Variants in AGBL4 observed in about 807,000 individuals in gnomAD.
The protein encoded by AGBL4 is cytosolic carboxypeptidase 6.
A neutral mutation model predicts 66.4 loss-of-function variants in AGBL4; 58 were observed. The observed-to-expected ratio is 0.87, with a 90% CI of 0.71 to 1.09. The LOEUF is 1.09. Ranked by LOEUF, AGBL4 falls within the 50% of genes least tolerant of loss-of-function variation. The probability of loss-of-function intolerance (pLI) is 0.00; values close to 1 mark genes in which losing one functional copy is unlikely to be tolerated. For synonymous variants in AGBL4, 234 were observed against 222.9 expected (o/e 1.05, Z -0.44); for missense variants, 579 against 631.0 (o/e 0.92, Z 0.88).
At chr1:48,743,271 C>A (rs1650216995) in intron 6 of AGBL4, among the ~76,000 whole-genome samples, 1 of 152,148 alleles carries the variant, frequency 6.6e-6, no homozygotes, top group Non-Finnish European at 1.5e-5. Flanking sequence ...GCATTTGAAT[C>A]AAGAAATTAA....
chr1:48,687,020 C>G (rs992338994), intron 6 of AGBL4, among the ~76,000 whole-genome samples: 1 of 138,894 alleles, frequency 7.2e-6, no homozygotes, highest in Admixed American at 8.0e-5. Flanking sequence ...CAGGCAGGAA[C>G]AGTGAAACTC....
intron 1 of AGBL4, among the ~76,000 whole-genome samples, chr1:49,979,523 A>G (rs1658886250): frequency 6.6e-6 from 1 of 152,186 alleles, no homozygotes; most frequent in Non-Finnish European, 1.5e-5. Flanking sequence ...TATTCACAGG[A>G]AAAAATGTAA....
rs972479085 is a variant in AGBL4, at chr1:49,645,404, ATT to A, written c.282+51907_282+51908del. 4.6e-4 allele frequency among the ~76,000 whole-genome samples: 17 copies of A among 37,070 alleles called. No homozygotes were observed. In the Middle Eastern group the frequency reaches 0.058, roughly 126 times the overall value. 24.3% of individuals were successfully genotyped at this position (37,070 alleles called of 152,430 possible). A position where few individuals can be genotyped will look rare whatever the true frequency, so the allele number is the denominator to read the frequency against. Reference sequence around the variant, plus strand: ...CTATAGCCTATAATTATCAAAAAAAATTATTATGACAATTTCATGCCAATAAA... The same window carrying A: ...CTATAGCCTATAATTATCAAAAAAAAATTATGACAATTTCATGCCAATAAA... On this transcript the variant is annotated intron_variant, in intron 3 of 13. Transcript: ENST00000371839.
intron 6 of AGBL4, among the ~76,000 whole-genome samples, chr1:48,667,973 G>T (rs1646215171): frequency 6.6e-6 from 1 of 151,930 alleles, no homozygotes; most frequent in South Asian, 2.1e-4. Context: ...TACTGGGAGG[G>T]GAATGTGGAA....
At chr1:49,204,729 T>C (rs977800639) in intron 4 of AGBL4, among the ~76,000 whole-genome samples, 15 of 152,136 alleles carry the variant, frequency 9.9e-5, no homozygotes, top group African/African-American at 3.6e-4. Context: ...ACAAATGATA[T>C]TACCCACTTA....
intron 2 of AGBL4, among the ~76,000 whole-genome samples, chr1:49,751,878 G>A (rs1002837284): frequency 6.6e-6 from 1 of 151,422 alleles, no homozygotes; most frequent in African/African-American, 2.4e-5. Context: ...GATTTTTAGA[G>A]TATTCTCTGA....
At chr1:49,548,365 A>C (rs2148833623) in intron 3 of AGBL4, among the ~76,000 whole-genome samples, 1 of 152,272 alleles carries the variant, frequency 6.6e-6, no homozygotes, top group East Asian at 1.9e-4. Context: ...GAGAGTGGGC[A>C]TCCTTGTCTT....
rs537489298 is a variant in AGBL4, at chr1:48,923,488, T to C, written c.595-56258A>G. The stretch of plus-strand genomic sequence containing the variant: ...TCTTGGAACACAGGTTAGCTGCTGA[T>C]TTGGAGGAAGTGCACAGCACTGTAA... On this transcript the variant is annotated intron_variant, in intron 5 of 13. Transcript: ENST00000371839. 2.6e-5 allele frequency among the ~76,000 whole-genome samples: 4 copies of C among 152,306 alleles called. No individual in the cohort carries two copies. The East Asian group carries it at 7.7e-4, about 29-fold the overall frequency.
At chr1:48,859,429 C>T (rs1647298346) in intron 6 of AGBL4, among the ~76,000 whole-genome samples, 1 of 152,186 alleles carries the variant, frequency 6.6e-6, no homozygotes, top group Admixed American at 6.5e-5. Flanking sequence ...CCCAGTTGCC[C>T]TCTGTGGTAG....
intron 3 of AGBL4, among the ~76,000 whole-genome samples, chr1:49,576,808 A>T (rs1460503754): frequency 6.6e-6 from 1 of 152,108 alleles, no homozygotes; most frequent in African/African-American, 2.4e-5. Flanking sequence ...TGATCAGTTG[A>T]CAGAGAGACA....
intron 3 of AGBL4, chr1:49,268,116 A>G (rs1280356552): frequency 6.6e-6 from 1 of 152,168 alleles, no homozygotes; most frequent in African/African-American, 2.4e-5. Context: ...AGTCAAGGAT[A>G]ATAAATAGAA....
chr1:49,738,054 T>C (rs569681279), intron 2 of AGBL4, among the ~76,000 whole-genome samples: 1 of 152,278 alleles, frequency 6.6e-6, no homozygotes, highest in South Asian at 2.1e-4. Flanking sequence ...TGTTGGTCAG[T>C]GTGTGCAGGA....
chr1:49,628,906 C>CT (rs1399488667), intron 3 of AGBL4, among the ~76,000 whole-genome samples: 1 of 152,196 alleles, frequency 6.6e-6, no homozygotes, highest in African/African-American at 2.4e-5. Flanking sequence ...TTAATCTTCT[C>CT]TAACAATGAT....
intron 6 of AGBL4, among the ~76,000 whole-genome samples, chr1:48,773,294 G>A (rs183321179): frequency 5.3e-5 from 8 of 152,234 alleles, no homozygotes. Flanking sequence ...GTAGCAGGCT[G>A]GATTGCAGTT....
intron 3 of AGBL4, among the ~76,000 whole-genome samples, chr1:49,484,209 G>C (rs1167373540): frequency 1.3e-5 from 2 of 151,856 alleles, no homozygotes; most frequent in African/African-American, 4.8e-5. Flanking sequence ...AGAAACTACA[G>C]ATAGAGCTAT....
At chr1:49,041,163 T>G (rs1361712634) in intron 5 of AGBL4, among the ~76,000 whole-genome samples, 1 of 152,088 alleles carries the variant, frequency 6.6e-6, no homozygotes, top group East Asian at 1.9e-4. Context: ...AAATCTTCCT[T>G]CCTGCCTGCT....
chr1:49,656,903 C>T (rs1482415557), intron 3 of AGBL4, among the ~76,000 whole-genome samples: 6 of 152,190 alleles, frequency 3.9e-5, no homozygotes, highest in Non-Finnish European at 8.8e-5. Flanking sequence ...CAATATCATA[C>T]TGAATGGGCA....
intron 3 of AGBL4, among the ~76,000 whole-genome samples, chr1:49,528,785 G>A (rs1650868693): frequency 6.6e-6 from 1 of 152,020 alleles, no homozygotes; most frequent in Admixed American, 6.6e-5. Flanking sequence ...GATATTTCAG[G>A]CAGAGGAAAG....
At chr1:49,285,214 T>A (rs1296278291) in intron 3 of AGBL4, among the ~76,000 whole-genome samples, 2 of 152,048 alleles carry the variant, frequency 1.3e-5, no homozygotes, top group South Asian at 2.1e-4. Context: ...GGATTAAGAA[T>A]CTCACTCAAA....
Sources: gnomAD v4.1 joint callset for allele counts (sites outside exome capture counted in the v4.1 genomes callset) on GRCh38, gnomAD v4.1.1 for gene constraint, MANE v1.5 for transcripts, NCBI Gene and HGNC (gene_info 2026-07-23, HGNC 2026-07-21) for gene names.